Variants in MYLK observed in about 807,000 individuals in gnomAD.
MYLK encodes myosin light chain kinase, smooth muscle.
A neutral mutation model predicts 203.4 loss-of-function variants in MYLK; 106 were observed. The observed-to-expected ratio is 0.52, with a 90% CI of 0.45 to 0.61. The LOEUF is 0.61. Ranked by LOEUF, MYLK falls within the 20% of genes least tolerant of loss-of-function variation. The probability of loss-of-function intolerance (pLI) is 0.00; values close to 1 mark genes in which losing one functional copy is unlikely to be tolerated. For synonymous variants in MYLK, 867 were observed against 959.5 expected, an observed-to-expected ratio of 0.90 and a Z score of 1.78; for missense variants, 2,072 against 2,442.3, an observed-to-expected ratio of 0.85 and a Z score of 3.20.
Position 123,701,506 on chromosome 3 carries a change from G to A in MYLK, c.2394C>T (p.Asn798=), listed in dbSNP as rs1359456989. ...HAGQYEILLK[N]RVGECSCQVS... ...CCTGGCAACTGCATTCGCCAACCCG[G>A]TTCCTGAAGAATTCCAAAGATCAAT... is the stretch of plus-strand genomic sequence containing the variant. Residue 798 remains asparagine (N), a synonymous_variant, in exon 17 of 34, where the codon AAC becomes AAT. Coordinates refer to ENST00000360304, the MANE Select transcript of MYLK (RefSeq NM_053025.4). The A allele has an allele frequency of 6.2e-7, 1 of 1,613,846 alleles. No homozygotes were observed. The highest frequency in any genetic ancestry group is 1.7e-5 in the Admixed American group (1 of 60,016).
chr3:123,673,775 G>C (rs777730477), intron 20 of MYLK, among the ~76,000 whole-genome samples: 6 of 152,134 alleles, frequency 3.9e-5, no homozygotes, highest in Non-Finnish European at 7.4e-5. Flanking sequence ...TTGTGTACCA[G>C]CCAGTCAGAG....
chr3:123,879,799 C>A (rs984602260), intron 1 of MYLK, among the ~76,000 whole-genome samples: 1 of 152,036 alleles, frequency 6.6e-6, no homozygotes. Context: ...GGACTACAGA[C>A]GCCCGCCACC....
intron 16 of MYLK, among the ~76,000 whole-genome samples, chr3:123,704,747 C>CAAAAGA (rs2061388178): frequency 1.1e-5 from 1 of 87,728 alleles, no homozygotes; most frequent in Non-Finnish European, 2.3e-5. Context: ...ACTAAAAATA[C>CAAAAGA]AAAAAAAAAA....
intron 20 of MYLK, among the ~76,000 whole-genome samples, chr3:123,674,804 G>A (rs2060021779): frequency 1.3e-5 from 2 of 152,216 alleles, no homozygotes; most frequent in South Asian, 2.1e-4. Context: ...TCTTTGGGCA[G>A]GTCGCCCCAG....
In MYLK at chr3:123,700,892, C is replaced by T. The variant is rs1351134881; in HGVS notation, c.2576G>A (p.Gly859Asp). Reference protein sequence around the residue: ...LRPGWPARGQGWLEEEDGEDV... With the variant: ...LRPGWPARGQDWLEEEDGEDV... ...CTCGCCGTCTTCCTCCTCTAGCCAACCCTGCCCTCTTGCTGGCCAGCCAGG... is the reference window on the plus strand; with the variant it reads ...CTCGCCGTCTTCCTCCTCTAGCCAATCCTGCCCTCTTGCTGGCCAGCCAGG... The change falls in exon 18 of 34, where the codon GGT becomes GAT. Residue 859 changes from glycine (G) to aspartate (D), a missense_variant. By Grantham distance (94) the Gly-to-Asp change is moderately conservative. Around this residue, in one of 3 missense-constraint regions of MYLK, gnomAD observed 865 missense variants for 1,016.0 expected, o/e 0.85. Transcript: ENST00000360304. 6.2e-7 allele frequency: 1 copy of T among 1,612,850 alleles called. No individual in the cohort carries two copies. Among genetic ancestry groups the T allele is most frequent in the East Asian group, 2.2e-5 (1 of 44,862 alleles).
rs1280842278 is a variant in MYLK at position 123,752,402 on chromosome 3, CT to C, written c.301del (p.Arg101GlyfsTer17). ...LVIHAVHEED[R>X]GKYTCEATNG... Reference sequence around the variant, plus strand: ...GGTGGCTTCACAGGTATACTTTCCCCTGTCCTCCTCATGGACAGCATGAATC... The same window carrying C: ...GGTGGCTTCACAGGTATACTTTCCCCGTCCTCCTCATGGACAGCATGAATC... On this transcript the variant is annotated frameshift_variant, in exon 5 of 34. Transcript: ENST00000360304. LOFTEE classifies it high-confidence loss of function. 7 of 1,614,096 alleles carry C rather than the reference CT, an allele frequency of 4.3e-6. No homozygotes were observed. The highest frequency in any genetic ancestry group is 5.1e-6 in the Non-Finnish European group (6 of 1,180,042).
chr3:123,712,152 C>T (rs2038815468), intron 13 of MYLK, among the ~76,000 whole-genome samples: 1 of 152,196 alleles, frequency 6.6e-6, no homozygotes, highest in Non-Finnish European at 1.5e-5. Context: ...AGCACCGCAG[C>T]CTTCGATGGA....
At chr3:123,770,085 T>C (rs1398352043) in intron 4 of MYLK, among the ~76,000 whole-genome samples, 2 of 150,026 alleles carry the variant, frequency 1.3e-5, no homozygotes, top group Non-Finnish European at 3.0e-5. Flanking sequence ...CCGAAGCAGG[T>C]GGATCACCTG....
At chr3:123,827,858 G>C (rs936984088) in intron 3 of MYLK, among the ~76,000 whole-genome samples, 13 of 147,856 alleles carry the variant, frequency 8.8e-5, no homozygotes, top group Non-Finnish European at 3.0e-5. Context: ...CAACAAACTA[G>C]CTGAAAAGAA....
In MYLK at chr3:123,667,118, T is replaced by C. The variant is rs41526546; in HGVS notation, c.3703+19A>G. 2.5e-6 allele frequency: 4 copies of C among 1,612,574 alleles called. No individual in the cohort carries two copies. Among genetic ancestry groups the C allele is most frequent in the East Asian group, 2.2e-5 (1 of 44,862 alleles). Reference sequence around the variant, plus strand: ...GGTAGATGACTTCTTTGACCCCAGATAGTGCCGTGGCCAATTACCTGCCTT... The same window carrying C: ...GGTAGATGACTTCTTTGACCCCAGACAGTGCCGTGGCCAATTACCTGCCTT... On this transcript the variant is annotated intron_variant, in intron 21 of 33. Coordinates refer to ENST00000360304, the MANE Select transcript of MYLK (RefSeq NM_053025.4).
At chr3:123,721,036 C>A (rs1177917457) in intron 13 of MYLK, among the ~76,000 whole-genome samples, 2 of 152,222 alleles carry the variant, frequency 1.3e-5, no homozygotes, top group African/African-American at 2.4e-5. Context: ...ACTTCCAGAG[C>A]CTTCTGTCTG....
chr3:123,667,497 A>C (rs1040158119), intron 20 of MYLK, among the ~76,000 whole-genome samples: 4 of 151,934 alleles, frequency 2.6e-5, no homozygotes, highest in African/African-American at 9.7e-5. Context: ...CCAGCTACCC[A>C]GGAAGCTGAG....
Position 123,657,417 on chromosome 3 carries a change from G to A in MYLK, c.3997C>T (p.Pro1333Ser). The A allele has an allele frequency of 6.2e-7, 1 of 1,613,364 alleles. No homozygotes were observed. The highest frequency in any genetic ancestry group is 8.5e-7 in the Non-Finnish European group (1 of 1,179,984). Residue 1333 changes from proline to serine, a missense_variant, in exon 24 of 34, where the codon CCC becomes TCC. Transcript: ENST00000360304. ...VNLTVVDKPD[P>S]PAGTPCASDI... ...GAGGCACAAGGTGTGCCAGCTGGGG[G>A]GTCTGGCTTATCTGGGGATAAAGAA... is the stretch of plus-strand genomic sequence containing the variant.
At chr3:123,692,900 C>A (rs1457479237) in intron 18 of MYLK, 49 bp from the exon 19 acceptor site, 6 of 1,509,830 alleles carry the variant, frequency 4.0e-6, no homozygotes, top group Non-Finnish European at 5.5e-6. Flanking sequence ...GTAGTACCTG[C>A]CCTGGCATCT....
At chr3:123,769,605 CTA>C (rs2063811840) in intron 4 of MYLK, among the ~76,000 whole-genome samples, 1 of 152,196 alleles carries the variant, frequency 6.6e-6, no homozygotes, top group Admixed American at 6.5e-5. Context: ...ATTTCCCAAA[CTA>C]AGTCATGCTG....
intron 30 of MYLK, among the ~76,000 whole-genome samples, chr3:123,627,235 G>A (rs547624841): frequency 1.3e-5 from 2 of 152,164 alleles, no homozygotes; most frequent in Non-Finnish European, 2.9e-5. Context: ...AGTGCTGCAG[G>A]GCAGACGTTT....
intron 3 of MYLK, among the ~76,000 whole-genome samples, chr3:123,794,605 A>G (rs1333009673): frequency 6.6e-6 from 1 of 152,188 alleles, no homozygotes; most frequent in East Asian, 1.9e-4. Flanking sequence ...AGAACACCTT[A>G]AGCCCTGACT....
intron 3 of MYLK, among the ~76,000 whole-genome samples, chr3:123,827,949 C>T (rs897291066): frequency 1.5e-4 from 23 of 150,928 alleles, no homozygotes; most frequent in African/African-American, 5.4e-4. Flanking sequence ...AAGACCTCTA[C>T]AAGAAAAACT....
At position 123,654,264 on chromosome 3, in the gene MYLK, G is replaced by T. The variant is rs114828653; in HGVS notation, c.4288+2862C>A. ...TGTAAAGTTGGTATGTTTCCCATTGGTACCCTAACTTTCTTTCTTTCTGGA... is the reference window on the plus strand; with the variant it reads ...TGTAAAGTTGGTATGTTTCCCATTGTTACCCTAACTTTCTTTCTTTCTGGA... On this transcript the variant is annotated intron_variant, in intron 24 of 33. Transcript: ENST00000360304. 6.3e-3 allele frequency among the ~76,000 whole-genome samples: 959 copies of T among 152,186 alleles called. 14 individuals are homozygous for T. The highest frequency in any genetic ancestry group is 0.021 in the African/African-American group (873 of 41,524).
Sources: allele counts gnomAD v4.1 joint callset (sites outside exome capture counted in the v4.1 genomes callset), GRCh38; gene constraint gnomAD v4.1.1; regional missense constraint gnomAD v4.1.1; transcripts MANE v1.5; gene names NCBI Gene and HGNC (gene_info 2026-07-23, HGNC 2026-07-21).